PCDHGB7: variants seen among roughly 807,000 people sequenced by gnomAD.
The protein encoded by PCDHGB7 is protocadherin gamma subfamily B, 7, also known as protocadherin gamma-B7.
In PCDHGB7, 37 loss-of-function variants were observed where a neutral mutation model predicts 61.4. The observed-to-expected ratio is 0.60, with a 90% confidence interval of 0.46 to 0.79. PCDHGB7 has a LOEUF of 0.79. Ranked by LOEUF, PCDHGB7 falls within the 30% of genes least tolerant of loss-of-function variation. The pLI is 0.00. For missense variants in PCDHGB7, 1,166 were observed against 1,202.5 expected (o/e 0.97, Z 0.45); for synonymous variants, 464 against 503.5 (o/e 0.92, Z 1.05).
intron 1 of PCDHGB7, among the ~76,000 whole-genome samples, chr5:141,425,417 G>A (rs1238708306): frequency 2.0e-5 from 3 of 152,162 alleles, no homozygotes; most frequent in East Asian, 3.9e-4. Context: ...ATAACATATA[G>A]TCCCATTAAA....
rs2099427641 is a variant in PCDHGB7, at chr5:141,477,974, G to T, written c.2416-16833G>T. The T allele has an allele frequency of 1.2e-6, 2 of 1,614,034 alleles. No homozygotes were observed. The highest frequency in any genetic ancestry group is 1.6e-4 in the Middle Eastern group (1 of 6,062). On this transcript the variant is annotated intron_variant, in intron 1 of 3. Transcript: ENST00000398594. This position sits in a 1 kb window ranked among gnomAD's most constrained non-coding sequence, Gnocchi z 4.9. ...GGGATCCCCTAACCAGAGCCTTTTT[G>T]CCATAGGGCTGCACACTGGTCAAAT...
chr5:141,439,171 C>T (rs948650584), intron 1 of PCDHGB7, among the ~76,000 whole-genome samples: 3 of 146,478 alleles, frequency 2.0e-5, no homozygotes, highest in Non-Finnish European at 3.0e-5. Context: ...CCAGCCTGGG[C>T]GACATAGTGA....
At chr5:141,505,348 G>A (rs1414647950) in intron 2 of PCDHGB7, 45 bp from the exon 3 acceptor site, 1 of 1,613,358 alleles carries the variant, frequency 6.2e-7, no homozygotes, top group Admixed American at 1.7e-5. Context: ...GGCATGAGCT[G>A]TGCCGGCCTG....
intron 1 of PCDHGB7, among the ~76,000 whole-genome samples, chr5:141,483,646 GTT>G (rs2099584256): frequency 6.8e-6 from 1 of 146,706 alleles, no homozygotes; most frequent in Admixed American, 6.7e-5. Flanking sequence ...AGGGGTGTGT[GTT>G]TGTGTGTGTG....
In PCDHGB7 at chr5:141,432,921, A is replaced by G; in HGVS notation, c.2415+12647A>G. On this transcript the variant is annotated intron_variant, in intron 1 of 3. Transcript: ENST00000398594. The surrounding 1 kb of genome is among the most constrained non-coding windows in gnomAD (Gnocchi z 6.0). ...GCGCTCAGGCTGCGGCGCTGGCACAAGTCACGCCTGCTGCAGGCTTCAGGA... is the reference window on the plus strand; with the variant it reads ...GCGCTCAGGCTGCGGCGCTGGCACAGGTCACGCCTGCTGCAGGCTTCAGGA... 6.2e-7 allele frequency: 1 copy of G among 1,614,114 alleles called. No individual in the cohort carries two copies. The highest frequency in any genetic ancestry group is 1.7e-4 in the Middle Eastern group (1 of 6,060).
At chr5:141,421,875 A>C (rs1345376105) in intron 1 of PCDHGB7, 2 of 1,613,648 alleles carry the variant, frequency 1.2e-6, no homozygotes, top group South Asian at 2.2e-5. Flanking sequence ...TCACAGCTTT[A>C]GATGGAGGCG....
Position 141,485,863 on chromosome 5 carries a change from A to G in PCDHGB7, c.2416-8944A>G, listed in dbSNP as rs770864367. 78 of 1,614,054 alleles carry G rather than the reference A, an allele frequency of 4.8e-5. No individual in the cohort carries two copies. Among genetic ancestry groups the G allele is most frequent in the Non-Finnish European group, 6.0e-5 (71 of 1,180,040 alleles). ...GATCTGGCACCGCAGAGCTCCGGGT[A>G]TCCGTGCTGGACGTAAACGACAACG... On this transcript the variant is annotated intron_variant, in intron 1 of 3. Coordinates refer to ENST00000398594, the MANE Select transcript of PCDHGB7 (RefSeq NM_018927.4). The surrounding 1 kb of genome is among the most constrained non-coding windows in gnomAD (Gnocchi z 5.7).
At chr5:141,424,772 G>A (rs2096839878) in intron 1 of PCDHGB7, 1 of 152,086 alleles carries the variant, frequency 6.6e-6, no homozygotes, top group Non-Finnish European at 1.5e-5. Flanking sequence ...ATGGCAAATA[G>A]TACATTCAGT....
Position 141,419,411 on chromosome 5 carries a change from C to A in PCDHGB7, c.1552C>A (p.Arg518Ser), listed in dbSNP as rs757881409. The change falls in exon 1 of 4, where the codon CGC (arginine) becomes AGC (serine). Residue 518 changes from arginine to serine, a missense_variant. Physicochemically the swap from Arg to Ser is moderately radical, Grantham distance 110 (BLOSUM62 -1). Coordinates refer to ENST00000398594, the MANE Select transcript of PCDHGB7 (RefSeq NM_018927.4). ...GCAGAGCGGGGTGGTGTTCGCGCAG[C>A]GCGCCTTCGACCACGAGCAGCTGCG... ...SAQSGVVFAQ[R>S]AFDHEQLRTF... 3 of 1,613,462 alleles carry A rather than the reference C, an allele frequency of 1.9e-6. No homozygotes were observed. Among genetic ancestry groups the A allele is most frequent in the Non-Finnish European group, 2.5e-6 (3 of 1,179,890 alleles).
rs568542355 is a variant in PCDHGB7, at chr5:141,431,678, T to C, written c.2415+11404T>C. 4 of 1,614,084 alleles carry C rather than the reference T, an allele frequency of 2.5e-6. No individual in the cohort carries two copies. Among genetic ancestry groups the C allele is most frequent in the African/African-American group, 2.7e-5 (2 of 75,012 alleles). ...AGGGACAATATCAACAATAGGGGAG[T>C]TGGACCACGAGGAGTCAGGATTCTA... On this transcript the variant is annotated intron_variant, in intron 1 of 3. Transcript: ENST00000398594. The surrounding 1 kb of genome is among the most constrained non-coding windows in gnomAD (Gnocchi z 4.8).
In PCDHGB7 at chr5:141,489,561, G is replaced by A. The variant is rs1750812409; in HGVS notation, c.2416-5246G>A. 6.2e-7 allele frequency: 1 copy of A among 1,614,106 alleles called. No homozygotes were observed. Among genetic ancestry groups the A allele is most frequent in the Non-Finnish European group, 8.5e-7 (1 of 1,180,026 alleles). On this transcript the variant is annotated intron_variant, in intron 1 of 3. Coordinates refer to ENST00000398594, the MANE Select transcript of PCDHGB7 (RefSeq NM_018927.4). The surrounding 1 kb of genome is among the most constrained non-coding windows in gnomAD (Gnocchi z 4.5). Reference sequence around the variant, plus strand: ...GCACCAGCTGCCTGCTGCCAGTGCAGGTGGTGACTGAACACCCCCTGGAGC... The same window carrying A: ...GCACCAGCTGCCTGCTGCCAGTGCAAGTGGTGACTGAACACCCCCTGGAGC...
chr5:141,490,279 G>A lies in PCDHGB7; in HGVS notation c.2416-4528G>A, dbSNP rs1344083401. The A allele has an allele frequency of 5.6e-6, 9 of 1,614,228 alleles. No individual in the cohort carries two copies. In the East Asian group the frequency reaches 1.8e-4, roughly 32 times the overall value. On this transcript the variant is annotated intron_variant, in intron 1 of 3. Coordinates refer to ENST00000398594, the MANE Select transcript of PCDHGB7 (RefSeq NM_018927.4). This position sits in a 1 kb window ranked among gnomAD's most constrained non-coding sequence, Gnocchi z 5.4. ...GGATGTGGGGGATGTCAATGACAAT[G>A]CCCCAGAGGTGCTATTGGCCTCTTT...
rs2099692814 is a variant in PCDHGB7 at position 141,489,840 on chromosome 5, G to A, written c.2416-4967G>A. 6.2e-7 allele frequency: 1 copy of A among 1,614,190 alleles called. No individual in the cohort carries two copies. The highest frequency in any genetic ancestry group is 8.5e-7 in the Non-Finnish European group (1 of 1,179,990). On this transcript the variant is annotated intron_variant, in intron 1 of 3. Coordinates refer to ENST00000398594, the MANE Select transcript of PCDHGB7 (RefSeq NM_018927.4). The surrounding 1 kb of genome is among the most constrained non-coding windows in gnomAD (Gnocchi z 4.5). ...CAGAGCTGGTGCTAGAGCAGCAGCT[G>A]GATCGTGAAGCCCAGGCAAGACATC... is the stretch of plus-strand genomic sequence containing the variant.
rs1354510383 is a variant in PCDHGB7, at chr5:141,432,312, G to A, written c.2415+12038G>A. The A allele has an allele frequency of 5.6e-6, 9 of 1,614,132 alleles. No homozygotes were observed. The highest frequency in any genetic ancestry group is 7.6e-6 in the Non-Finnish European group (9 of 1,180,054). On this transcript the variant is annotated intron_variant, in intron 1 of 3. Transcript: ENST00000398594. The surrounding 1 kb of genome is among the most constrained non-coding windows in gnomAD (Gnocchi z 6.0). Reference sequence around the variant, plus strand: ...GACACTGGGGTACTGTATGCGCTGAGCTCCTTCGACTACGAGCAGTTCCGA... The same window carrying A: ...GACACTGGGGTACTGTATGCGCTGAACTCCTTCGACTACGAGCAGTTCCGA...
At chr5:141,481,913 CAAA>C (rs34114744) in intron 1 of PCDHGB7, among the ~76,000 whole-genome samples, 50 of 90,788 alleles carry the variant, frequency 5.5e-4, no homozygotes, top group African/African-American at 7.1e-4. Flanking sequence ...AACTCCATCT[CAAA>C]AAAAAAAAAA....
intron 1 of PCDHGB7, among the ~76,000 whole-genome samples, chr5:141,472,030 G>A (rs2099269943): frequency 6.6e-6 from 1 of 152,030 alleles, no homozygotes; most frequent in African/African-American, 2.4e-5. Flanking sequence ...TATGTAGAAA[G>A]CTGTGAAAAG....
At chr5:141,421,417 G>A (rs1188564125) in intron 1 of PCDHGB7, 2 of 1,613,950 alleles carry the variant, frequency 1.2e-6, no homozygotes, top group Non-Finnish European at 1.7e-6. Context: ...GGCGAAGCGC[G>A]GAGTCCGCAT....
chr5:141,472,486 G>A (rs1300618918), intron 1 of PCDHGB7, among the ~76,000 whole-genome samples: 1 of 152,050 alleles, frequency 6.6e-6, no homozygotes, highest in Non-Finnish European at 1.5e-5. Flanking sequence ...CTTGCAGTGA[G>A]ACGAGATCGT....
intron 1 of PCDHGB7, among the ~76,000 whole-genome samples, chr5:141,459,532 TA>T (rs1031834752): frequency 6.6e-5 from 10 of 152,354 alleles, no homozygotes; most frequent in East Asian, 3.9e-4. Context: ...TTTGTAGGCA[TA>T]TTTTTTTTAT....
Sources: allele counts gnomAD v4.1 joint callset (sites outside exome capture counted in the v4.1 genomes callset), GRCh38; gene constraint gnomAD v4.1.1; non-coding constraint Gnocchi (gnomAD v3.1); transcripts MANE v1.5; gene names NCBI Gene and HGNC (gene_info 2026-07-23, HGNC 2026-07-21).